METAP2: variants seen among roughly 807,000 people sequenced by gnomAD.
The protein encoded by METAP2 is methionine aminopeptidase 2.
Under a neutral mutation model 59.4 loss-of-function variants are expected in METAP2, and 25 were observed. The ratio of observed to expected loss-of-function variants is 0.42; its 90% CI spans 0.31 to 0.59. The LOEUF is 0.59. Among genes scored for constraint, METAP2 ranks in the 20% least tolerant of loss-of-function variants. METAP2 has a pLI of 0.16. For synonymous variants in METAP2, 214 were observed against 194.1 expected, an observed-to-expected ratio of 1.10 and a Z score of -0.85; for missense variants, 366 against 581.2, an observed-to-expected ratio of 0.63 and a Z score of 3.81.
chr12:95,509,842 C>T (rs1015268057), intron 8 of METAP2, among the ~76,000 whole-genome samples: 19 of 146,866 alleles, frequency 1.3e-4, no homozygotes, highest in African/African-American at 4.5e-4. Flanking sequence ...GACCTCCCCC[C>T]CAACCTTTTT....
rs1203351749 is a variant in METAP2 at position 95,514,406 on chromosome 12, G to A, written c.*502G>A. 2 of 152,834 alleles carry A rather than the reference G, an allele frequency of 1.3e-5. No homozygotes were observed. Among genetic ancestry groups the A allele is most frequent in the East Asian group, 3.9e-4 (2 of 5,178 alleles). 9.5% of individuals were successfully genotyped at this position (152,834 alleles called of 1,614,324 possible). On this transcript the variant is annotated 3_prime_UTR_variant, in exon 11 of 11. Coordinates refer to ENST00000323666, the MANE Select transcript of METAP2 (RefSeq NM_006838.4). ...AGGATAAATAGCTAAACTTAATGTA[G>A]GCAAATGCAGAGACATTTATCTGAA...
In METAP2 at chr12:95,474,304, A is replaced by G. The variant is rs200952159; in HGVS notation, c.125A>G (p.Lys42Arg). The part of the protein sequence containing the change: ...EEAAKKKRRK[K>R]KKSKGPSAAG... Reference sequence around the variant, plus strand: ...GCAGCCAAGAAAAAAAGACGAAAGAAGAAGAAGAGCAAAGGGCCTTCTGCA... The same window carrying G: ...GCAGCCAAGAAAAAAAGACGAAAGAGGAAGAAGAGCAAAGGGCCTTCTGCA... Residue 42 changes from lysine to arginine, a missense_variant, in exon 1 of 11, where the codon AAG becomes AGG. Physicochemically the swap from Lys to Arg is conservative, Grantham distance 26. Transcript: ENST00000323666. 1 of 1,614,224 alleles carries G rather than the reference A, an allele frequency of 6.2e-7. No homozygotes were observed. Among genetic ancestry groups the G allele is most frequent in the Non-Finnish European group, 8.5e-7 (1 of 1,180,040 alleles).
chr12:95,483,094 GATAAA>G (rs2076170604), intron 2 of METAP2, 116 bp from the exon 3 acceptor site: 6 of 800,426 alleles, frequency 7.5e-6, no homozygotes, highest in Admixed American at 2.0e-5. Flanking sequence ...ATGTAAACAA[GATAAA>G]ATAAACTAAC....
chr12:95,496,613 A>G lies in METAP2; in HGVS notation c.867+515A>G, dbSNP rs77131801. On this transcript the variant is annotated intron_variant, in intron 7 of 10. Transcript: ENST00000323666. ...TATACATAAGGGGTTTGACAAATAT[A>G]TAATGACACGCATCTACCATTATAG... 1.6e-3 allele frequency among the ~76,000 whole-genome samples: 249 copies of G among 152,246 alleles called. 6 individuals are homozygous for G. The East Asian group carries it at 0.04, about 25-fold the overall frequency.
rs1268635366 is a variant in METAP2 at position 95,494,086 on chromosome 12, A to G, written c.459A>G (p.Glu153=). 6.2e-7 allele frequency: 1 copy of G among 1,614,022 alleles called. No homozygotes were observed. Among genetic ancestry groups the G allele is most frequent in the Admixed American group, 1.7e-5 (1 of 60,018 alleles). The change falls in exon 5 of 11, where the codon GAA becomes GAG. Residue 153 remains glutamate, a synonymous_variant. Transcript: ENST00000323666. ...GRTAAWRTTS[E]EKKALDQASE... ...CAGCTGCTTGGAGAACTACAAGTGA[A>G]GAAAAGAAAGCATTAGATCAGGCAA... is the stretch of plus-strand genomic sequence containing the variant.
chr12:95,483,447 G>C (rs1057124679), intron 3 of METAP2, 167 bp downstream of exon 3: 2 of 352,188 alleles, frequency 5.7e-6, no homozygotes, highest in African/African-American at 4.9e-5. Flanking sequence ...CTGCACTGCA[G>C]CCTGGGCAAC....
At position 95,496,150 on chromosome 12, in the gene METAP2, G is replaced by C. The variant is rs773802490; in HGVS notation, c.867+52G>C. The C allele has an allele frequency of 8.0e-6, 10 of 1,244,006 alleles. No homozygotes were observed. The African/African-American group carries it at 1.5e-4, about 19-fold the overall frequency. The allele number at this position is 1,244,006 out of a possible 1,614,324, so 77.1% of individuals were successfully genotyped here. A position where few individuals can be genotyped will look rare whatever the true frequency, so the allele number is the denominator to read the frequency against. On this transcript the variant is annotated intron_variant, in intron 7 of 10. Coordinates refer to ENST00000323666, the MANE Select transcript of METAP2 (RefSeq NM_006838.4). Reference sequence around the variant, plus strand: ...TTCCCAATATTTTGAGCACTTTAAGGTCTTTTAAACACTTAACAGCATTTA... The same window carrying C: ...TTCCCAATATTTTGAGCACTTTAAGCTCTTTTAAACACTTAACAGCATTTA...
intron 7 of METAP2, among the ~76,000 whole-genome samples, chr12:95,496,970 A>G (rs1486831920): frequency 6.6e-6 from 1 of 151,588 alleles, no homozygotes; most frequent in Non-Finnish European, 1.5e-5. Flanking sequence ...GATTACAGGC[A>G]CGCACAACCA....
rs185718545 is a variant in METAP2, at chr12:95,491,549, C to T, written c.429-2507C>T. ...TTTTTGAGACAGGGCCTCATTCTGT[C>T]GCCCAGGCTGGAGTGCAGTGGTGCA... On this transcript the variant is annotated intron_variant, in intron 4 of 10. Coordinates refer to ENST00000323666, the MANE Select transcript of METAP2 (RefSeq NM_006838.4). Among the ~76,000 whole-genome samples the T allele has an allele frequency of 1.2e-4, 19 of 152,280 alleles. No individual in the cohort carries two copies. The South Asian group carries it at 1.5e-3, about 12-fold the overall frequency.
At chr12:95,486,208 C>A (rs1336238319) in intron 4 of METAP2, among the ~76,000 whole-genome samples, 1 of 152,090 alleles carries the variant, frequency 6.6e-6, no homozygotes, top group African/African-American at 2.4e-5. Context: ...AATAAAAATT[C>A]TTGTAGATAA....
chr12:95,500,094 T>C (rs1039056276), intron 7 of METAP2, among the ~76,000 whole-genome samples: 1 of 152,200 alleles, frequency 6.6e-6, no homozygotes, highest in African/African-American at 2.4e-5. Context: ...CAATGTTTTA[T>C]AGTATTCATT....
chr12:95,485,392 T>G lies in METAP2; in HGVS notation c.326-487T>G, dbSNP rs138319556. On this transcript the variant is annotated intron_variant, in intron 3 of 10. Transcript: ENST00000323666. ...GATAAAGTTGGAGTGATAAATACTT[T>G]GACAAAAGTTACGATTTCAGAAAAC... 6.2e-3 allele frequency among the ~76,000 whole-genome samples: 945 copies of G among 152,304 alleles called. 4 individuals carry two copies. The highest frequency in any genetic ancestry group is 0.011 in the Non-Finnish European group (728 of 68,014).
rs2076267907 is a variant in METAP2, at chr12:95,495,214, A to C, written c.772+76A>C. ...TTTTGTCTCTGTTAAATGGAGTGAT[A>C]AATACTGAACTCCCAAATTTTGTTC... On this transcript the variant is annotated intron_variant, in intron 6 of 10. Coordinates refer to ENST00000323666, the MANE Select transcript of METAP2 (RefSeq NM_006838.4). 6 of 1,276,386 alleles carry C rather than the reference A, an allele frequency of 4.7e-6. No individual in the cohort carries two copies. The Admixed American group carries it at 1.2e-4, about 26-fold the overall frequency. The allele number at this position is 1,276,386 out of a possible 1,614,324, so 79.1% of individuals were successfully genotyped here.
At chr12:95,487,095 T>C (rs542052203) in intron 4 of METAP2, among the ~76,000 whole-genome samples, 6 of 152,348 alleles carry the variant, frequency 3.9e-5, no homozygotes, top group South Asian at 2.1e-4. Flanking sequence ...AGGAATGATA[T>C]ATGCATAGCA....
intron 6 of METAP2, 43 bp downstream of exon 6, chr12:95,495,181 A>G (rs1219087483): frequency 6.6e-7 from 1 of 1,523,674 alleles, no homozygotes; most frequent in Non-Finnish European, 9.0e-7. Context: ...TCCTCCTGAA[A>G]AACTAGTTTT....
At chr12:95,491,137 A>G (rs1233574468) in intron 4 of METAP2, among the ~76,000 whole-genome samples, 1 of 149,816 alleles carries the variant, frequency 6.7e-6, no homozygotes, top group Non-Finnish European at 1.5e-5. Flanking sequence ...GTTTCCAAGT[A>G]ATCTGTGGGG....
intron 4 of METAP2, among the ~76,000 whole-genome samples, chr12:95,489,404 T>C (rs2076221125): frequency 6.6e-6 from 1 of 152,230 alleles, no homozygotes; most frequent in African/African-American, 2.4e-5. Context: ...TTTTCTTAAA[T>C]ATTGCATTAT....
chr12:95,499,725 G>A (rs2076301550), intron 7 of METAP2, among the ~76,000 whole-genome samples: 1 of 151,980 alleles, frequency 6.6e-6, no homozygotes. Context: ...CTGCTATAAA[G>A]AAATACCTGA....
intron 10 of METAP2, 100 bp from the exon 11 acceptor site, chr12:95,513,552 T>TC (rs2076421131): frequency 1.4e-6 from 2 of 1,379,386 alleles, no homozygotes; most frequent in Non-Finnish European, 2.0e-6. Context: ...TTTTTGGACT[T>TC]CAACTACTAG....
Sources: gnomAD v4.1 joint callset for allele counts (sites outside exome capture counted in the v4.1 genomes callset) on GRCh38, gnomAD v4.1.1 for gene constraint, MANE v1.5 for transcripts, NCBI Gene and HGNC (gene_info 2026-07-23, HGNC 2026-07-21) for gene names.